Variants in HMGXB4 observed in about 807,000 individuals in gnomAD.
The protein encoded by HMGXB4 is HMG-box containing 4, also known as HMG domain-containing protein 4.
In HMGXB4, 27 loss-of-function variants were observed where a neutral mutation model predicts 63.9. The ratio of observed to expected loss-of-function variants is 0.42; its 90% CI spans 0.31 to 0.58. The LOEUF is 0.58. HMGXB4 is among the 20% of genes least tolerant of loss of function. HMGXB4 has a pLI of 0.13. For synonymous variants in HMGXB4, 264 were observed against 265.3 expected, an observed-to-expected ratio of 0.99 and a Z score of 0.05; for missense variants, 624 against 700.7, an observed-to-expected ratio of 0.89 and a Z score of 1.24.
intron 10 of HMGXB4, 142 bp from the exon 11 acceptor site, chr22:35,293,465 A>C: frequency 1.6e-6 from 1 of 635,410 alleles, no homozygotes; most frequent in East Asian, 2.8e-5. Flanking sequence ...CTAGCATAAC[A>C]AACAGCAGGA....
chr22:35,263,303 T>G (rs939641907), intron 3 of HMGXB4, 77 bp downstream of exon 3: 106 of 1,201,204 alleles, frequency 8.8e-5, no homozygotes, highest in Middle Eastern at 2.5e-4. Flanking sequence ...TTTTTTTGTT[T>G]TTTTTTTTTT....
the HMGXB4 span, among the ~76,000 whole-genome samples, chr22:35,245,983 C>T: frequency 6.6e-6 from 1 of 152,186 alleles, no homozygotes; most frequent in Non-Finnish European, 1.5e-5. Context: ...GACACCACCC[C>T]AACCAGAACA....
At chr22:35,275,786 C>T (rs1923880078) in intron 5 of HMGXB4, among the ~76,000 whole-genome samples, 2 of 152,186 alleles carry the variant, frequency 1.3e-5, no homozygotes, top group Admixed American at 1.3e-4. Flanking sequence ...TGACATACCT[C>T]ATCAAATATT....
chr22:35,287,466 C>G lies in HMGXB4; in HGVS notation c.1468+14C>G. ...TGAAAGTCAAAGGTAGTGACCACAT[C>G]CCGCCCCTGCTTTTCTCTAAAGCAT... On this transcript the variant is annotated intron_variant, in intron 8 of 10. Coordinates refer to ENST00000216106, the MANE Select transcript of HMGXB4 (RefSeq NM_001003681.3). 1.3e-6 allele frequency: 2 copies of G among 1,561,476 alleles called. No individual in the cohort carries two copies. The highest frequency in any genetic ancestry group is 2.7e-5 in the African/African-American group (2 of 73,664).
At chr22:35,292,921 C>T in intron 9 of HMGXB4, 71 bp from the exon 10 acceptor site, 1 of 1,584,222 alleles carries the variant, frequency 6.3e-7, no homozygotes, top group Non-Finnish European at 8.7e-7. Flanking sequence ...ATTTAAAGTA[C>T]TGTGTGAGGA....
At chr22:35,246,147 G>A in the HMGXB4 span, among the ~76,000 whole-genome samples, 1 of 152,314 alleles carries the variant, frequency 6.6e-6, no homozygotes, top group African/African-American at 2.4e-5. Flanking sequence ...TGGGAAGGGG[G>A]TGCAGGAGGG....
intron 9 of HMGXB4, among the ~76,000 whole-genome samples, chr22:35,290,306 T>C (rs917719169): frequency 2.0e-5 from 3 of 152,154 alleles, no homozygotes; most frequent in Non-Finnish European, 2.9e-5. Flanking sequence ...CACAGAATTG[T>C]GAATCACTAC....
At chr22:35,253,113 CAA>C (rs1016417536), upstream of HMGXB4, among the ~76,000 whole-genome samples, 3 of 64,406 alleles carry the variant, frequency 4.7e-5, no homozygotes, top group Non-Finnish European at 6.1e-5. Context: ...GCCTGGGCGA[CAA>C]GAGCAAAACT....
At position 35,265,523 on chromosome 22, in the gene HMGXB4, C is replaced by T. The variant is rs28522155; in HGVS notation, c.1135C>T (p.Pro379Ser). 1 of 1,613,630 alleles carries T rather than the reference C, an allele frequency of 6.2e-7. No homozygotes were observed. The highest frequency in any genetic ancestry group is 1.1e-5 in the South Asian group (1 of 91,030). ...AGCAGCAGCACCTCCCCTGCCACTT[C>T]CTGGCCTCCACACAGATGGGCATAG... Reference protein sequence around the residue: ...AGAAAPPLPLPGLHTDGHSEK... With the variant: ...AGAAAPPLPLSGLHTDGHSEK... The change falls in exon 5 of 11, where the codon CCT becomes TCT. Residue 379 changes from proline (P) to serine (S), a missense_variant. By Grantham distance (74) the Pro-to-Ser change is moderately conservative. Transcript: ENST00000216106.
chr22:35,279,805 G>A (rs1601637561), intron 5 of HMGXB4, among the ~76,000 whole-genome samples: 1 of 149,712 alleles, frequency 6.7e-6, no homozygotes, highest in Non-Finnish European at 1.5e-5. Context: ...CTTTATTTAG[G>A]TAGATTTGTT....
At chr22:35,261,955 A>C in intron 1 of HMGXB4, 1 of 170,788 alleles carries the variant, frequency 5.9e-6, no homozygotes, top group Non-Finnish European at 1.3e-5. Context: ...TTACTTGTGT[A>C]TGTTGTAACC....
chr22:35,292,634 T>G (rs1412738264), intron 9 of HMGXB4, among the ~76,000 whole-genome samples: 2 of 152,102 alleles, frequency 1.3e-5, no homozygotes, highest in African/African-American at 4.8e-5. Flanking sequence ...ATTTGTCGAG[T>G]TTATAACAGA....
intron 8 of HMGXB4, among the ~76,000 whole-genome samples, chr22:35,287,989 T>C (rs1256111446): frequency 2.0e-5 from 3 of 152,172 alleles, no homozygotes; most frequent in South Asian, 4.1e-4. Flanking sequence ...ATAGGCCTTG[T>C]GTGCCGTATG....
At chr22:35,270,069 T>C (rs1213248985) in intron 5 of HMGXB4, among the ~76,000 whole-genome samples, 1 of 151,916 alleles carries the variant, frequency 6.6e-6, no homozygotes, top group African/African-American at 2.4e-5. Context: ...ATTGACAAGA[T>C]CTACCTACAG....
chr22:35,286,229 T>C (rs1445311371), intron 7 of HMGXB4, among the ~76,000 whole-genome samples, 168 bp downstream of exon 7: 1 of 152,248 alleles, frequency 6.6e-6, no homozygotes, highest in African/African-American at 2.4e-5. Flanking sequence ...GCCAGTTCAC[T>C]GTACATGAGG....
intron 5 of HMGXB4, among the ~76,000 whole-genome samples, chr22:35,280,273 T>C (rs1490491435): frequency 6.6e-6 from 1 of 152,216 alleles, no homozygotes; most frequent in Non-Finnish European, 1.5e-5. Flanking sequence ...CCTACTGAAG[T>C]GCCACACACC....
chr22:35,244,948 A>T, the HMGXB4 span, among the ~76,000 whole-genome samples: 2 of 152,162 alleles, frequency 1.3e-5, no homozygotes, highest in African/African-American at 4.8e-5. Context: ...TCTTTACAGC[A>T]CTGGGGAACA....
chr22:35,287,491 T>C, intron 8 of HMGXB4, 39 bp downstream of exon 8: 1 of 1,433,030 alleles, frequency 7.0e-7, no homozygotes, highest in Non-Finnish European at 9.8e-7. Flanking sequence ...CTCTAAAGCA[T>C]GTGAATTTTG....
At chr22:35,242,852 C>T in the HMGXB4 span, among the ~76,000 whole-genome samples, 2 of 152,100 alleles carry the variant, frequency 1.3e-5, no homozygotes, top group Non-Finnish European at 2.9e-5. Flanking sequence ...ACTTGTTCAT[C>T]TTTTTCAGAC....
Sources: allele counts gnomAD v4.1 joint callset (sites outside exome capture counted in the v4.1 genomes callset), GRCh38; gene constraint gnomAD v4.1.1; transcripts MANE v1.5; gene names NCBI Gene and HGNC (gene_info 2026-07-23, HGNC 2026-07-21).